Variants in ISCU observed in about 807,000 individuals in gnomAD.
ISCU encodes the protein iron-sulfur cluster assembly enzyme ISCU.
A neutral mutation model predicts 18.4 loss-of-function variants in ISCU; 13 were observed. That is an observed-to-expected ratio of 0.71 (90% confidence interval 0.46 to 1.12). The LOEUF (loss-of-function observed/expected upper bound fraction) is 1.12. ISCU is among the 50% of genes most tolerant of loss of function. ISCU has a pLI of 0.00. For missense variants in ISCU, 229 were observed against 208.7 expected (o/e 1.10, Z -0.60); for synonymous variants, 104 against 87.5 (o/e 1.19, Z -1.06).
intron 4 of ISCU, chr12:108,567,527 T>C (rs1461725204): frequency 2.0e-5 from 16 of 798,028 alleles, no homozygotes; most frequent in Non-Finnish European, 2.7e-5. Flanking sequence ...CTCACAAATA[T>C]CCTTGAGTGC....
intron 1 of ISCU, chr12:108,563,729 G>T: frequency 2.9e-6 from 1 of 339,334 alleles, no homozygotes; most frequent in East Asian, 7.6e-5. Context: ...TCAGCAGCCA[G>T]GGTGCGCTGC....
intron 1 of ISCU, chr12:108,564,018 A>T: frequency 7.6e-7 from 1 of 1,315,622 alleles, no homozygotes. Context: ...TAAAAATCCT[A>T]TGGAACTAAG....
Position 108,565,404 on chromosome 12 carries a change from A to C in ISCU, c.312A>C (p.Leu104Phe), listed in dbSNP as rs754633460. Reference protein sequence around the residue: ...GCGSAIASSSLATEWVKGKTV... With the variant: ...GCGSAIASSSFATEWVKGKTV... Reference sequence around the variant, plus strand: ...GTTCCGCAATTGCCTCCAGCTCATTAGCCACTGAATGGGTGAAAGGAAAGA... The same window carrying C: ...GTTCCGCAATTGCCTCCAGCTCATTCGCCACTGAATGGGTGAAAGGAAAGA... The change falls in exon 3 of 5, where the codon TTA (leucine) becomes TTC (phenylalanine). Residue 104 changes from leucine (L) to phenylalanine (F), a missense_variant. By Grantham distance (22) the Leu-to-Phe change is conservative (BLOSUM62 0). Coordinates refer to ENST00000311893, the MANE Select transcript of ISCU (RefSeq NM_213595.4). 1.2e-6 allele frequency: 2 copies of C among 1,613,540 alleles called. No homozygotes were observed. The highest frequency in any genetic ancestry group is 1.7e-6 in the Non-Finnish European group (2 of 1,179,388).
intron 1 of ISCU, 127 bp downstream of exon 1, chr12:108,562,863 T>C: frequency 2.1e-6 from 1 of 474,202 alleles, no homozygotes; most frequent in East Asian, 3.5e-5. Context: ...CTGACTCGCT[T>C]TCCCTTGCTG....
rs76457039 is a variant in ISCU at position 108,568,304 on chromosome 12, A to G, written c.419-527A>G. The G allele has an allele frequency of 9.9e-3, 10,914 of 1,104,062 alleles. 816 individuals are homozygous for G. In the African/African-American group the frequency reaches 0.16, roughly 16 times the overall value. 68.4% of individuals were successfully genotyped at this position (1,104,062 alleles called of 1,614,324 possible). A position where few individuals can be genotyped will look rare whatever the true frequency, so the allele number is the denominator to read the frequency against. On this transcript the variant is annotated intron_variant, in intron 4 of 4. Coordinates refer to ENST00000311893, the MANE Select transcript of ISCU (RefSeq NM_213595.4). Reference sequence around the variant, plus strand: ...TTTTCCCCATAGCCTCACTTTGAATATTGACTCCTAAATAAAAGTGGTCAA... The same window carrying G: ...TTTTCCCCATAGCCTCACTTTGAATGTTGACTCCTAAATAAAAGTGGTCAA...
chr12:108,563,670 G>C (rs1404077544), intron 1 of ISCU: 1 of 270,372 alleles, frequency 3.7e-6, no homozygotes, highest in Non-Finnish European at 7.3e-6. Flanking sequence ...CCTCCCGGGG[G>C]TGTGTTTTGT....
chr12:108,563,402 C>T (rs2136711286), intron 1 of ISCU: 1 of 153,546 alleles, frequency 6.5e-6, no homozygotes, highest in South Asian at 2.0e-4. Flanking sequence ...GAGACTCCCA[C>T]TCGAGAAACA....
rs1409032142 is a variant in ISCU at position 108,562,694 on chromosome 12, C to T, written c.72C>T (p.Pro24=). ...SALLLRSPRL[P]ARELSAPARL... Reference sequence around the variant, plus strand: ...TGCTGCTGCGGAGCCCCCGCCTGCCCGCCCGGGAGCTGTCGGCCCCGGCCC... The same window carrying T: ...TGCTGCTGCGGAGCCCCCGCCTGCCTGCCCGGGAGCTGTCGGCCCCGGCCC... The change falls in exon 1 of 5, where the codon CCC becomes CCT. Residue 24 remains proline, a synonymous_variant. Coordinates refer to ENST00000311893, the MANE Select transcript of ISCU (RefSeq NM_213595.4). The T allele has an allele frequency of 2.7e-6, 4 of 1,484,512 alleles. No individual in the cohort carries two copies. The highest frequency in any genetic ancestry group is 1.5e-5 in the African/African-American group (1 of 68,488). 92.0% of individuals were successfully genotyped at this position (1,484,512 alleles called of 1,614,324 possible).
At chr12:108,562,249 C>T (rs1427696047), upstream of ISCU, among the ~76,000 whole-genome samples, 1 of 152,232 alleles carries the variant, frequency 6.6e-6, no homozygotes, top group African/African-American at 2.4e-5. Context: ...TGCCCTGAAT[C>T]TCGGCTTCCT....
intron 4 of ISCU, chr12:108,567,516 C>A: frequency 3.8e-6 from 3 of 782,162 alleles, no homozygotes; most frequent in Non-Finnish European, 2.1e-6. Flanking sequence ...AATTTCTAAA[C>A]CTCACAAATA....
Position 108,562,692 on chromosome 12 carries a change from C to T in ISCU, c.70C>T (p.Pro24Ser), listed in dbSNP as rs1202838988. 3 of 1,484,404 alleles carry T rather than the reference C, an allele frequency of 2.0e-6. No homozygotes were observed. The highest frequency in any genetic ancestry group is 5.5e-5 in the East Asian group (2 of 36,310). The allele number at this position is 1,484,404 out of a possible 1,614,324, so 92.0% of individuals were successfully genotyped here. A position where few individuals can be genotyped will look rare whatever the true frequency, so the allele number is the denominator to read the frequency against. ...TCTGCTGCTGCGGAGCCCCCGCCTGCCCGCCCGGGAGCTGTCGGCCCCGGC... is the reference window on the plus strand; with the variant it reads ...TCTGCTGCTGCGGAGCCCCCGCCTGTCCGCCCGGGAGCTGTCGGCCCCGGC... ...SALLLRSPRLPARELSAPARL... is the reference protein window; with the variant it reads ...SALLLRSPRLSARELSAPARL... The change falls in exon 1 of 5, where the codon CCC becomes TCC. Residue 24 changes from proline (P) to serine (S), a missense_variant. Transcript: ENST00000311893.
intron 4 of ISCU, chr12:108,567,797 A>G: frequency 1.3e-6 from 2 of 1,530,648 alleles, no homozygotes; most frequent in Non-Finnish European, 1.7e-6. Context: ...GCCCAGTTGT[A>G]CAATGTCCCC....
chr12:108,563,253 G>T (rs1168197966), intron 1 of ISCU: 1 of 152,792 alleles, frequency 6.5e-6, no homozygotes, highest in Non-Finnish European at 1.5e-5. Context: ...ACTGCTTTAG[G>T]AGTGCATAGG....
chr12:108,568,507 T>A (rs2031004764), intron 4 of ISCU: 2 of 1,225,850 alleles, frequency 1.6e-6, no homozygotes, highest in Admixed American at 4.0e-5. Context: ...GTCAGACATC[T>A]TCTGTAAGTC....
intron 1 of ISCU, 191 bp downstream of exon 1, chr12:108,562,927 G>A: frequency 2.5e-6 from 1 of 397,820 alleles, no homozygotes; most frequent in Non-Finnish European, 4.4e-6. Flanking sequence ...ATCGGGCGGC[G>A]ACTTCCAGGG....
rs748845108 is a variant in ISCU, at chr12:108,562,638, GCT to G, written c.17_18del (p.Ala6ValfsTer35). 36 of 1,481,254 alleles carry G rather than the reference GCT, an allele frequency of 2.4e-5. No homozygotes were observed. Among genetic ancestry groups the G allele is most frequent in the Non-Finnish European group, 3.1e-5 (35 of 1,123,574 alleles). The allele number at this position is 1,481,254 out of a possible 1,614,324, so 91.8% of individuals were successfully genotyped here. On this transcript the variant is annotated frameshift_variant, in exon 1 of 5. Transcript: ENST00000311893. LOFTEE classifies it high-confidence loss of function. MAAAG[A>X]FRLRRAASAL... ...AGCCGGCAAGATGGCGGCGGCTGGG[GCT>G]TTCCGTCTGAGGCGGGCGGCATCGG...
At chr12:108,565,096 A>G (rs1266399408) in intron 2 of ISCU, 6 of 577,524 alleles carry the variant, frequency 1.0e-5, no homozygotes, top group Admixed American at 3.1e-5. Context: ...GTGGAGGGAC[A>G]TATTTTTCAG....
chr12:108,565,203 C>T, intron 2 of ISCU, 118 bp from the exon 3 acceptor site: 1 of 756,896 alleles, frequency 1.3e-6, no homozygotes, highest in Non-Finnish European at 2.4e-6. Flanking sequence ...TTAATGCCAT[C>T]ACTTAGTGTG....
At chr12:108,567,428 G>A (rs2136719613) in intron 4 of ISCU, 160 bp downstream of exon 4, 1 of 744,704 alleles carries the variant, frequency 1.3e-6, no homozygotes. Flanking sequence ...GAGCCCCCAT[G>A]GTCTCACATT....
Sources: gnomAD v4.1 joint callset for allele counts (sites outside exome capture counted in the v4.1 genomes callset) on GRCh38, gnomAD v4.1.1 for gene constraint, MANE v1.5 for transcripts, NCBI Gene and HGNC (gene_info 2026-07-23, HGNC 2026-07-21) for gene names.